PINX1: variants seen among roughly 807,000 people sequenced by gnomAD.
PINX1 encodes the protein PIN2/TERF1-interacting telomerase inhibitor 1.
PINX1 carries 34 observed loss-of-function variants against 25.4 expected under a neutral mutation model. The observed-to-expected ratio is 1.34, with a 90% CI of 1.02 to 1.78. The LOEUF (loss-of-function observed/expected upper bound fraction) is 1.78, where lower values mean the gene tolerates loss of function less well. Among genes scored for constraint, PINX1 ranks in the 40% most tolerant of loss-of-function variants. PINX1 has a pLI of 0.00. For missense variants in PINX1, 592 were observed against 404.9 expected (o/e 1.46, Z -3.97); for synonymous variants, 197 against 147.7 (o/e 1.33, Z -2.42).
intron 4 of PINX1, 30 bp downstream of exon 4, chr8:10,831,635 T>C (rs963248524): frequency 2.2e-6 from 3 of 1,388,834 alleles, no homozygotes; most frequent in East Asian, 2.3e-5. Flanking sequence ...CATATTTGCA[T>C]TGAGAACTTA....
chr8:10,797,686 A>G (rs1190835905), intron 6 of PINX1, among the ~76,000 whole-genome samples: 1 of 152,254 alleles, frequency 6.6e-6, no homozygotes, highest in East Asian at 1.9e-4. Flanking sequence ...GCACTTCATC[A>G]TCACAGCAAA....
At chr8:10,829,410 T>C (rs1470926737) in intron 4 of PINX1, among the ~76,000 whole-genome samples, 1 of 152,032 alleles carries the variant, frequency 6.6e-6, no homozygotes, top group Non-Finnish European at 1.5e-5. Context: ...CCAGCCACAC[T>C]ATCAGGAGGC....
chr8:10,823,944 A>T (rs1025112254), intron 5 of PINX1, among the ~76,000 whole-genome samples: 1 of 152,248 alleles, frequency 6.6e-6, no homozygotes, highest in African/African-American at 2.4e-5. Flanking sequence ...TTCCCAAGCT[A>T]TGTACAATTG....
chr8:10,792,763 C>T (rs1329246791), intron 6 of PINX1, among the ~76,000 whole-genome samples: 8 of 152,204 alleles, frequency 5.3e-5, no homozygotes, highest in Non-Finnish European at 8.8e-5. Flanking sequence ...CGATTAATTG[C>T]TGTGATGTGA....
Position 10,819,337 on chromosome 8 carries a change from GTCT to G in PINX1, c.471+853_471+855del, listed in dbSNP as rs143690822. 2.4e-3 allele frequency among the ~76,000 whole-genome samples: 358 copies of G among 152,244 alleles called. 2 individuals carry two copies. Among genetic ancestry groups the G allele is most frequent in the African/African-American group, 8.4e-3 (349 of 41,548 alleles). On this transcript the variant is annotated intron_variant, in intron 6 of 6. Transcript: ENST00000314787. ...AAAATGCCAGGAATCAATAAACCAA[GTCT>G]TCTTTTTTGTTCTATGGTCACCAAG...
chr8:10,778,791 CT>C (rs1801492790), intron 6 of PINX1, among the ~76,000 whole-genome samples: 1 of 152,200 alleles, frequency 6.6e-6, no homozygotes, highest in Admixed American at 6.5e-5. Context: ...GTTCCATTAT[CT>C]GGATAAAATG....
intron 5 of PINX1, among the ~76,000 whole-genome samples, chr8:10,822,420 T>A (rs1797905832): frequency 6.6e-6 from 1 of 152,240 alleles, no homozygotes; most frequent in Non-Finnish European, 1.5e-5. Context: ...GAAACATCTA[T>A]CTGGATTTGG....
chr8:10,799,667 C>G (rs754550184), intron 6 of PINX1, among the ~76,000 whole-genome samples: 41 of 152,320 alleles, frequency 2.7e-4, no homozygotes, highest in South Asian at 1.2e-3. Context: ...TACTGTCCCT[C>G]TCTAAACTGG....
chr8:10,788,180 T>G (rs986840560), intron 6 of PINX1, among the ~76,000 whole-genome samples: 1 of 152,204 alleles, frequency 6.6e-6, no homozygotes, highest in South Asian at 2.1e-4. Flanking sequence ...TGATCATTGT[T>G]AAGCTGGGTA....
chr8:10,780,190 T>A (rs1003677210), intron 6 of PINX1, among the ~76,000 whole-genome samples: 3 of 152,228 alleles, frequency 2.0e-5, no homozygotes, highest in Non-Finnish European at 2.9e-5. Flanking sequence ...TCCTTTCCAA[T>A]TCAGAGATCT....
chr8:10,809,284 AG>A (rs1802551086), intron 6 of PINX1, among the ~76,000 whole-genome samples: 1 of 152,210 alleles, frequency 6.6e-6, no homozygotes, highest in Non-Finnish European at 1.5e-5. Context: ...CTACCAATAA[AG>A]AGAAAGAACA....
intron 4 of PINX1, among the ~76,000 whole-genome samples, chr8:10,829,873 A>G (rs1010509408): frequency 3.9e-5 from 6 of 152,098 alleles, no homozygotes; most frequent in Admixed American, 6.5e-5. Context: ...TAGGAGAGAC[A>G]GGGTTTCTCC....
intron 6 of PINX1, among the ~76,000 whole-genome samples, chr8:10,801,081 G>C (rs1157921309): frequency 1.3e-5 from 2 of 152,184 alleles, no homozygotes; most frequent in South Asian, 2.1e-4. Context: ...GCAAGATAAA[G>C]AGGAATATAT....
At chr8:10,796,250 G>A (rs1431925868) in intron 6 of PINX1, among the ~76,000 whole-genome samples, 2 of 152,182 alleles carry the variant, frequency 1.3e-5, no homozygotes, top group African/African-American at 4.8e-5. Flanking sequence ...GGGCAGCTTG[G>A]GGGAAAAGAA....
chr8:10,830,356 C>T (rs904631739), intron 4 of PINX1, among the ~76,000 whole-genome samples: 1 of 152,194 alleles, frequency 6.6e-6, no homozygotes, highest in African/African-American at 2.4e-5. Context: ...ATAAACCTTC[C>T]TATGGTTAGA....
intron 6 of PINX1, among the ~76,000 whole-genome samples, chr8:10,785,195 G>C (rs1043552114): frequency 6.6e-6 from 1 of 152,172 alleles, no homozygotes; most frequent in African/African-American, 2.4e-5. Context: ...ACAATTTAAA[G>C]ACAGATAAGC....
At chr8:10,834,552 A>G (rs1586214110) in intron 2 of PINX1, 114 bp downstream of exon 2, 2 of 1,424,134 alleles carry the variant, frequency 1.4e-6, no homozygotes, top group African/African-American at 2.9e-5. Context: ...TGGGATCAAA[A>G]TCACTTACTG....
At chr8:10,772,264 T>C (rs999065928) in intron 6 of PINX1, among the ~76,000 whole-genome samples, 4 of 152,258 alleles carry the variant, frequency 2.6e-5, no homozygotes, top group Non-Finnish European at 5.9e-5. Flanking sequence ...AGGCACAGCC[T>C]ACATTATATC....
chr8:10,776,255 A>T (rs1400191908), intron 6 of PINX1, among the ~76,000 whole-genome samples: 2 of 151,920 alleles, frequency 1.3e-5, no homozygotes, highest in Non-Finnish European at 2.9e-5. Context: ...GCAAAACCGC[A>T]TCTCTACTAA....
Sources: gnomAD v4.1 joint callset for allele counts (sites outside exome capture counted in the v4.1 genomes callset) on GRCh38, gnomAD v4.1.1 for gene constraint, MANE v1.5 for transcripts, NCBI Gene and HGNC (gene_info 2026-07-23, HGNC 2026-07-21) for gene names.